The following ATXN10 variants were observed in gnomAD, a reference collection of about 807,000 sequenced individuals.
ATXN10 encodes the protein ataxin 10.
In ATXN10, 28 loss-of-function variants were observed where a neutral mutation model predicts 52.9. The observed-to-expected ratio is 0.53, with a 90% CI of 0.39 to 0.73. The LOEUF is 0.73. Among genes scored for constraint, ATXN10 ranks in the 30% least tolerant of loss-of-function variants. The pLI, the probability that ATXN10 is intolerant of heterozygous loss-of-function variation, is 0.00. For missense variants in ATXN10, 565 were observed against 577.0 expected, an observed-to-expected ratio of 0.98 and a Z score of 0.21; for synonymous variants, 226 against 221.5, an observed-to-expected ratio of 1.02 and a Z score of -0.18.
intron 3 of ATXN10, among the ~76,000 whole-genome samples, chr22:45,695,313 A>C (rs1352995573): frequency 4.0e-5 from 6 of 149,204 alleles, no homozygotes; most frequent in African/African-American, 1.5e-4. Context: ...CGACAGAGCG[A>C]GACTCCACCT....
intron 9 of ATXN10, among the ~76,000 whole-genome samples, chr22:45,785,602 G>T (rs181391143): frequency 1.1e-4 from 16 of 152,368 alleles, no homozygotes; most frequent in Admixed American, 2.6e-4. Context: ...TCTGTTTGCA[G>T]TAGAGCTTTT....
At position 45,832,992 on chromosome 22, in the gene ATXN10, G is replaced by T. The variant is rs117398804; in HGVS notation, c.1238-9999G>T. ...TATGTATTATACCTTTCTGCTGAAG[G>T]TTGTCCTGACTTTAAATGGATATAG... On this transcript the variant is annotated intron_variant, in intron 10 of 11. Coordinates refer to ENST00000252934, the MANE Select transcript of ATXN10 (RefSeq NM_013236.4). Among the ~76,000 whole-genome samples the T allele has an allele frequency of 6.8e-4, 103 of 152,306 alleles. 2 individuals carry two copies. In the East Asian group the frequency reaches 0.014, roughly 21 times the overall value.
In ATXN10 at chr22:45,805,674, G is replaced by C. The variant is rs1165120751; in HGVS notation, c.1174-1285G>C. 6.6e-6 allele frequency among the ~76,000 whole-genome samples: 1 copy of C among 152,192 alleles called. No homozygotes were observed. Among genetic ancestry groups the C allele is most frequent in the Non-Finnish European group, 1.5e-5 (1 of 68,034 alleles). On this transcript the variant is annotated intron_variant, in intron 9 of 11. Coordinates refer to ENST00000252934, the MANE Select transcript of ATXN10 (RefSeq NM_013236.4). The surrounding 1 kb of genome is among the most constrained non-coding windows in gnomAD (Gnocchi z 4.4). The stretch of plus-strand genomic sequence containing the variant: ...AATCCAGAGAGACAGGAAGTAGAAG[G>C]ATAGTTGCCAAGGACTGGGGGGAGG...
intron 3 of ATXN10, among the ~76,000 whole-genome samples, chr22:45,697,175 C>A (rs139632177): frequency 5.2e-4 from 79 of 152,158 alleles, no homozygotes; most frequent in African/African-American, 1.9e-3. Context: ...GCTCTCGTTG[C>A]CCAGGCTGGA....
intron 5 of ATXN10, among the ~76,000 whole-genome samples, chr22:45,717,597 T>A (rs1924493718): frequency 1.3e-5 from 2 of 152,212 alleles, no homozygotes; most frequent in Non-Finnish European, 2.9e-5. Context: ...GATTTCGCTT[T>A]TATGTGAAGT....
rs1352707443 is a variant in ATXN10 at position 45,784,685 on chromosome 22, G to T, written c.1174-22274G>T. Reference sequence around the variant, plus strand: ...CACAGCTTAGAGCAGGGCCCAAATTGACCTCATGGCTATTCTTACACATTC... The same window carrying T: ...CACAGCTTAGAGCAGGGCCCAAATTTACCTCATGGCTATTCTTACACATTC... On this transcript the variant is annotated intron_variant, in intron 9 of 11. Coordinates refer to ENST00000252934, the MANE Select transcript of ATXN10 (RefSeq NM_013236.4). The surrounding 1 kb of genome is among the most constrained non-coding windows in gnomAD (Gnocchi z 4.2). 1.3e-5 allele frequency among the ~76,000 whole-genome samples: 2 copies of T among 152,148 alleles called. No individual in the cohort carries two copies. Among genetic ancestry groups the T allele is most frequent in the Non-Finnish European group, 2.9e-5 (2 of 68,024 alleles).
rs556072583 is a variant in ATXN10, at chr22:45,690,681, C to T, written c.308+778C>T. ...TCTTTCCTAAAGATCATGTAAAGTT[C>T]CAAGCTCTGCTTCCACCTATTTTAT... On this transcript the variant is annotated intron_variant, in intron 2 of 11. Coordinates refer to ENST00000252934, the MANE Select transcript of ATXN10 (RefSeq NM_013236.4). The surrounding 1 kb of genome is among the most constrained non-coding windows in gnomAD (Gnocchi z 4.5). Among the ~76,000 whole-genome samples, 1 of 152,282 alleles carries T rather than the reference C, an allele frequency of 6.6e-6. No homozygotes were observed. Among genetic ancestry groups the T allele is most frequent in the South Asian group, 2.1e-4 (1 of 4,814 alleles).
At position 45,837,819 on chromosome 22, in the gene ATXN10, A is replaced by C. The variant is rs73441945; in HGVS notation, c.1238-5172A>C. Reference sequence around the variant, plus strand: ...AATTTCAAATTTTCATGTGCCAGAAATCAGTATTCTTTAGATTTTTTTCCA... The same window carrying C: ...AATTTCAAATTTTCATGTGCCAGAACTCAGTATTCTTTAGATTTTTTTCCA... On this transcript the variant is annotated intron_variant, in intron 10 of 11. Coordinates refer to ENST00000252934, the MANE Select transcript of ATXN10 (RefSeq NM_013236.4). The surrounding 1 kb of genome is among the most constrained non-coding windows in gnomAD (Gnocchi z 5.8). 6.6e-6 allele frequency among the ~76,000 whole-genome samples: 1 copy of C among 152,226 alleles called. No homozygotes were observed. The highest frequency in any genetic ancestry group is 1.5e-5 in the Non-Finnish European group (1 of 68,046).
intron 10 of ATXN10, among the ~76,000 whole-genome samples, chr22:45,836,184 A>G (rs1020946851): frequency 2.0e-5 from 3 of 152,222 alleles, no homozygotes; most frequent in Non-Finnish European, 4.4e-5. Context: ...TTAGACTTGT[A>G]CTTTAATTTT....
rs760720425 is a variant in ATXN10, at chr22:45,684,845, A to G, written c.117-4867A>G. Among the ~76,000 whole-genome samples the G allele has an allele frequency of 2.8e-4, 43 of 152,312 alleles. No individual in the cohort carries two copies. The highest frequency in any genetic ancestry group is 5.3e-4 in the Non-Finnish European group (36 of 68,032). On this transcript the variant is annotated intron_variant, in intron 1 of 11. Coordinates refer to ENST00000252934, the MANE Select transcript of ATXN10 (RefSeq NM_013236.4). The surrounding 1 kb of genome is among the most constrained non-coding windows in gnomAD (Gnocchi z 4.1). ...CTAGGCTGTTTGTGGCAGGAGATAC[A>G]GATGTTTTTATTTTCTGTTTTTGTT...
At chr22:45,778,929 C>G (rs1233465549) in intron 9 of ATXN10, among the ~76,000 whole-genome samples, 1 of 152,164 alleles carries the variant, frequency 6.6e-6, no homozygotes, top group African/African-American at 2.4e-5. Flanking sequence ...TCAGGCATGT[C>G]TGGTGAGTGG....
rs1927162958 is a variant in ATXN10, at chr22:45,781,947, C to T, written c.1174-25012C>T. ...AACAACAGAAAGAAAATAGACTGTA[C>T]AAAAAAGTTAACCAAGCTTCAGGGA... On this transcript the variant is annotated intron_variant, in intron 9 of 11. Coordinates refer to ENST00000252934, the MANE Select transcript of ATXN10 (RefSeq NM_013236.4). The surrounding 1 kb of genome is among the most constrained non-coding windows in gnomAD (Gnocchi z 4.2). 1.3e-5 allele frequency among the ~76,000 whole-genome samples: 2 copies of T among 152,058 alleles called. No individual in the cohort carries two copies. Among genetic ancestry groups the T allele is most frequent in the African/African-American group, 4.8e-5 (2 of 41,394 alleles).
chr22:45,803,367 C>G (rs1178751822), intron 9 of ATXN10, among the ~76,000 whole-genome samples: 3 of 152,228 alleles, frequency 2.0e-5, no homozygotes, highest in African/African-American at 2.4e-5. Flanking sequence ...AACACTCCCA[C>G]AGTCCCCTTT....
intron 9 of ATXN10, among the ~76,000 whole-genome samples, chr22:45,806,466 T>C (rs1928102829): frequency 6.6e-6 from 1 of 152,228 alleles, no homozygotes; most frequent in African/African-American, 2.4e-5. Flanking sequence ...TCCAAATCCG[T>C]GATACCTTAC....
chr22:45,682,125 G>A (rs990300832), intron 1 of ATXN10, among the ~76,000 whole-genome samples: 9 of 152,080 alleles, frequency 5.9e-5, no homozygotes, highest in African/African-American at 2.2e-4. Flanking sequence ...TTATAGATCT[G>A]CTGTAATTTT....
intron 5 of ATXN10, among the ~76,000 whole-genome samples, chr22:45,716,034 A>G (rs1457256217): frequency 6.6e-6 from 1 of 152,118 alleles, no homozygotes; most frequent in East Asian, 1.9e-4. Flanking sequence ...CTGAGAAGGG[A>G]GGATAGCTTG....
chr22:45,745,359 G>C (rs1053652697), intron 9 of ATXN10, among the ~76,000 whole-genome samples: 6 of 152,124 alleles, frequency 3.9e-5, no homozygotes, highest in Non-Finnish European at 8.8e-5. Context: ...CGCCCGCCAA[G>C]GAAATTGTAT....
chr22:45,717,437 TG>T, intron 5 of ATXN10, among the ~76,000 whole-genome samples: 1 of 152,380 alleles, frequency 6.6e-6, no homozygotes, highest in South Asian at 2.1e-4. Flanking sequence ...TGTATCCATC[TG>T]GGATTGCATA....
At chr22:45,794,257 C>T (rs900593832) in intron 9 of ATXN10, among the ~76,000 whole-genome samples, 1 of 152,094 alleles carries the variant, frequency 6.6e-6, no homozygotes, top group Non-Finnish European at 1.5e-5. Context: ...TGGGCAGTAG[C>T]CTGGCTGGGC....
Sources: gnomAD v4.1 joint callset for allele counts (sites outside exome capture counted in the v4.1 genomes callset) on GRCh38, gnomAD v4.1.1 for gene constraint, Gnocchi (gnomAD v3.1) non-coding constraint, MANE v1.5 for transcripts, NCBI Gene and HGNC (gene_info 2026-07-23, HGNC 2026-07-21) for gene names.